Variants in CNTNAP3 observed in about 807,000 individuals in gnomAD.
CNTNAP3 encodes contactin-associated protein-like 3.
A neutral mutation model predicts 92.1 loss-of-function variants in CNTNAP3; 36 were observed. That is an observed-to-expected ratio of 0.39 (90% CI 0.30 to 0.52). The LOEUF is 0.52. Among genes scored for constraint, CNTNAP3 ranks in the 20% least tolerant of loss-of-function variants. The pLI is 0.76. For missense variants in CNTNAP3, 534 were observed against 1,069.6 expected, an observed-to-expected ratio of 0.50 and a Z score of 6.98; for synonymous variants, 232 against 422.3, an observed-to-expected ratio of 0.55 and a Z score of 5.53.
intron 14 of CNTNAP3, among the ~76,000 whole-genome samples, chr9:39,114,226 G>A (rs1820794474): frequency 6.6e-6 from 1 of 151,712 alleles, no homozygotes; most frequent in South Asian, 2.1e-4. Flanking sequence ...GGGACTACAG[G>A]CGCCCACCAC....
intron 10 of CNTNAP3, among the ~76,000 whole-genome samples, chr9:39,148,526 C>A (rs1422502397): frequency 7.3e-6 from 1 of 137,890 alleles, no homozygotes; most frequent in Non-Finnish European, 1.6e-5. Flanking sequence ...GCAGATATAA[C>A]TTTTTTTTTT....
At chr9:39,142,902 A>G (rs1391391857) in intron 11 of CNTNAP3, among the ~76,000 whole-genome samples, 1 of 151,976 alleles carries the variant, frequency 6.6e-6, no homozygotes, top group Non-Finnish European at 1.5e-5. Context: ...TGTGAAAATC[A>G]AATGTCTCAC....
chr9:39,121,556 A>G (rs1821019691), intron 13 of CNTNAP3, among the ~76,000 whole-genome samples: 1 of 152,192 alleles, frequency 6.6e-6, no homozygotes, highest in Admixed American at 6.5e-5. Flanking sequence ...AGACAAGTGA[A>G]AACAGCATCA....
At position 39,109,194 on chromosome 9, in the gene CNTNAP3, A is replaced by C. The variant is rs149338862; in HGVS notation, c.2331T>G (p.Ala777=). The C allele has an allele frequency of 1.9e-6, 3 of 1,612,944 alleles. No individual in the cohort carries two copies. The highest frequency in any genetic ancestry group is 2.2e-5 in the East Asian group (1 of 44,884). ...TDAGRPHSEA[A]YTLGPLLCRG... is the part of the protein sequence containing the mutation. ...GGCAGAGCAGTGGCCCCAGTGTATAAGCTGCTTCGGAATGTGGTCGGCCTG... is the reference window on the plus strand; with the variant it reads ...GGCAGAGCAGTGGCCCCAGTGTATACGCTGCTTCGGAATGTGGTCGGCCTG... Residue 777 remains alanine, a synonymous_variant, in exon 15 of 24, where the codon GCT becomes GCG. Transcript: ENST00000297668.
At position 39,065,922 on chromosome 9, in the gene CNTNAP3, C is replaced by T. The variant is rs1451456463; in HGVS notation, c.*7968G>A. Among the ~76,000 whole-genome samples, 2 of 152,160 alleles carry T rather than the reference C, an allele frequency of 1.3e-5. No individual in the cohort carries two copies. The highest frequency in any genetic ancestry group is 2.9e-5 in the Non-Finnish European group (2 of 68,012). On this transcript the variant is annotated 3_prime_UTR_variant, in exon 24 of 24. Coordinates refer to ENST00000297668, the MANE Select transcript of CNTNAP3 (RefSeq NM_033655.5). The stretch of plus-strand genomic sequence containing the variant: ...CCCAGTCTGTAGCTTGACTCTTATT[C>T]TCTTAACAATGTATTTTAAAAGGAG...
At chr9:39,116,110 C>T (rs1464539917) in intron 14 of CNTNAP3, among the ~76,000 whole-genome samples, 2 of 150,752 alleles carry the variant, frequency 1.3e-5, no homozygotes, top group Non-Finnish European at 3.0e-5. Flanking sequence ...TGAGATCGCA[C>T]CACTGCATTC....
intron 15 of CNTNAP3, among the ~76,000 whole-genome samples, chr9:39,106,042 C>G (rs551711804): frequency 6.6e-6 from 1 of 152,288 alleles, no homozygotes; most frequent in South Asian, 2.1e-4. Context: ...CACTCCTACT[C>G]TCCTCACTGT....
At chr9:39,074,687 C>G (rs1825706556) in intron 23 of CNTNAP3, among the ~76,000 whole-genome samples, 1 of 152,196 alleles carries the variant, frequency 6.6e-6, no homozygotes, top group Non-Finnish European at 1.5e-5. Flanking sequence ...TTTGCATCAT[C>G]ATAGATCATT....
intron 14 of CNTNAP3, among the ~76,000 whole-genome samples, chr9:39,114,736 T>A (rs937454498): frequency 2.0e-5 from 3 of 152,152 alleles, no homozygotes; most frequent in Non-Finnish European, 4.4e-5. Context: ...TTAAACCATC[T>A]TATTTTATGC....
intron 18 of CNTNAP3, among the ~76,000 whole-genome samples, chr9:39,093,917 A>T (rs1486858781): frequency 1.3e-5 from 2 of 151,160 alleles, no homozygotes; most frequent in Non-Finnish European, 3.0e-5. Flanking sequence ...TCTATGTTTA[A>T]CTACTTTGAG....
chr9:39,113,561 C>A (rs1820761283), intron 14 of CNTNAP3, among the ~76,000 whole-genome samples: 1 of 151,760 alleles, frequency 6.6e-6, no homozygotes, highest in African/African-American at 2.4e-5. Context: ...ATATTATCTA[C>A]AATATCTGCC....
intron 13 of CNTNAP3, among the ~76,000 whole-genome samples, chr9:39,128,593 G>T: frequency 6.6e-6 from 1 of 151,900 alleles, no homozygotes; most frequent in African/African-American, 2.4e-5. Flanking sequence ...AAACAAGAAT[G>T]AATGCTTTTC....
rs193186145 is a variant in CNTNAP3 at position 39,120,281 on chromosome 9, C to T, written c.2081-2022G>A. 4.6e-3 allele frequency among the ~76,000 whole-genome samples: 698 copies of T among 152,126 alleles called. 7 individuals are homozygous for T. Among genetic ancestry groups the T allele is most frequent in the African/African-American group, 0.016 (671 of 41,484 alleles). On this transcript the variant is annotated intron_variant, in intron 13 of 23. Transcript: ENST00000297668. ...AGATTACTCATCTGAAATTACAGAA[C>T]CAGAAGGAATGGCATATTTTTTTCA...
intron 13 of CNTNAP3, among the ~76,000 whole-genome samples, chr9:39,122,134 C>A (rs1007309165): frequency 1.3e-5 from 2 of 152,120 alleles, no homozygotes; most frequent in Admixed American, 6.5e-5. Context: ...GCGGGCAGAT[C>A]ATGAGGTCAG....
chr9:39,134,824 C>T (rs1255908865), intron 12 of CNTNAP3, among the ~76,000 whole-genome samples: 8 of 152,188 alleles, frequency 5.3e-5, no homozygotes, highest in Non-Finnish European at 1.0e-4. Context: ...ATAGAAAAAC[C>T]TATGGAACAC....
intron 9 of CNTNAP3, chr9:39,159,633 T>TAGAG (rs1563895946): frequency 8.5e-6 from 1 of 118,172 alleles, no homozygotes; most frequent in African/African-American, 4.4e-5. Context: ...CGCCTGGAGA[T>TAGAG]AGATAGATAG....
chr9:39,096,569 C>T (rs1264145750), intron 18 of CNTNAP3, among the ~76,000 whole-genome samples: 1 of 150,860 alleles, frequency 6.6e-6, no homozygotes, highest in African/African-American at 2.4e-5. Flanking sequence ...ATTCCAGTTC[C>T]ACTCTTCTAG....
intron 9 of CNTNAP3, among the ~76,000 whole-genome samples, chr9:39,153,913 GATT>G (rs1821895611): frequency 6.8e-6 from 1 of 147,296 alleles, no homozygotes; most frequent in Admixed American, 6.7e-5. Context: ...ATCCACCAGT[GATT>G]GTTCCAAGTC....
At chr9:39,098,691 C>A (rs2118468293) in intron 18 of CNTNAP3, among the ~76,000 whole-genome samples, 1 of 152,204 alleles carries the variant, frequency 6.6e-6, no homozygotes, top group Middle Eastern at 3.4e-3. Context: ...GCACAGAGAT[C>A]TTCAGGAATG....
Sources: allele counts gnomAD v4.1 joint callset (sites outside exome capture counted in the v4.1 genomes callset), GRCh38; gene constraint gnomAD v4.1.1; transcripts MANE v1.5; gene names NCBI Gene and HGNC (gene_info 2026-07-23, HGNC 2026-07-21).